AUTS2: variants seen among roughly 807,000 people sequenced by gnomAD.
AUTS2 encodes autism susceptibility gene 2 protein.
AUTS2 carries 17 observed loss-of-function variants against 112.4 expected under a neutral mutation model. That is an observed-to-expected ratio of 0.15 (90% confidence interval 0.10 to 0.23). AUTS2 has a LOEUF of 0.23. Ranked by LOEUF, AUTS2 falls within the 10% of genes least tolerant of loss-of-function variation. The pLI is 1.00. For synonymous variants in AUTS2, 751 were observed against 702.7 expected (o/e 1.07, Z -1.09); for missense variants, 1,510 against 1,701.6 (o/e 0.89, Z 1.98).
At chr7:69,729,810 A>G (rs1786699656) in intron 1 of AUTS2, among the ~76,000 whole-genome samples, 1 of 152,036 alleles carries the variant, frequency 6.6e-6, no homozygotes, top group South Asian at 2.1e-4. Context: ...AAGAATGATC[A>G]TTATTTACAT....
intron 2 of AUTS2, among the ~76,000 whole-genome samples, chr7:70,007,836 A>G (rs1367017247): frequency 6.6e-6 from 1 of 152,168 alleles, no homozygotes; most frequent in Non-Finnish European, 1.5e-5. Context: ...AAGATTTTCT[A>G]TTTATTCAGA....
At chr7:70,398,576 T>C (rs1585099395) in intron 4 of AUTS2, among the ~76,000 whole-genome samples, 1 of 152,286 alleles carries the variant, frequency 6.6e-6, no homozygotes, top group South Asian at 2.1e-4. Flanking sequence ...TGATGTTATA[T>C]TAAATTATGA....
intron 1 of AUTS2, among the ~76,000 whole-genome samples, chr7:69,665,830 T>A (rs1252389830): frequency 3.9e-5 from 6 of 152,160 alleles, no homozygotes; most frequent in African/African-American, 1.4e-4. Flanking sequence ...TTGAGATAAA[T>A]GCTTTATTGG....
At chr7:70,564,943 C>T (rs1343238042) in intron 5 of AUTS2, among the ~76,000 whole-genome samples, 1 of 151,940 alleles carries the variant, frequency 6.6e-6, no homozygotes, top group Admixed American at 6.6e-5. Flanking sequence ...ACTAAAAATA[C>T]AAAAATTAGC....
intron 2 of AUTS2, among the ~76,000 whole-genome samples, chr7:69,974,091 T>A (rs899218765): frequency 6.6e-6 from 1 of 151,990 alleles, no homozygotes; most frequent in Non-Finnish European, 1.5e-5. Context: ...TTTAAGAAAT[T>A]AAATTTTCTT....
At chr7:70,571,838 A>G (rs1585316813) in intron 5 of AUTS2, among the ~76,000 whole-genome samples, 2 of 151,734 alleles carry the variant, frequency 1.3e-5, no homozygotes, top group Non-Finnish European at 2.9e-5. Flanking sequence ...GCAGGAGGAC[A>G]CCCTCCCTCC....
chr7:69,792,242 T>C (rs953060217), intron 1 of AUTS2, among the ~76,000 whole-genome samples: 2 of 137,292 alleles, frequency 1.5e-5, no homozygotes, highest in African/African-American at 5.3e-5. Context: ...GTTTTTTTTT[T>C]GTTTTGTTTT....
intron 1 of AUTS2, among the ~76,000 whole-genome samples, chr7:69,891,405 A>C (rs1247188170): frequency 6.6e-6 from 1 of 152,184 alleles, no homozygotes; most frequent in East Asian, 1.9e-4. Flanking sequence ...GGTTGTTTGC[A>C]GTTTTAGAAG....
At chr7:70,634,234 G>A (rs181909603) in intron 5 of AUTS2, among the ~76,000 whole-genome samples, 2 of 152,282 alleles carry the variant, frequency 1.3e-5, no homozygotes, top group African/African-American at 4.8e-5. Flanking sequence ...GAAATAGGAG[G>A]ACAGGAGGCA....
At chr7:70,255,240 AT>A (rs1468310343) in intron 4 of AUTS2, among the ~76,000 whole-genome samples, 1 of 151,380 alleles carries the variant, frequency 6.6e-6, no homozygotes, top group Non-Finnish European at 1.5e-5. Context: ...CGCCTGGCTA[AT>A]TTTTGTATTT....
intron 1 of AUTS2, among the ~76,000 whole-genome samples, chr7:69,734,256 C>T (rs1321450824): frequency 2.6e-5 from 4 of 151,692 alleles, no homozygotes; most frequent in Non-Finnish European, 5.9e-5. Context: ...CAGCTTAAAA[C>T]GAAGAGCTCT....
At position 69,611,936 on chromosome 7, in the gene AUTS2, C is replaced by CA. The variant is rs896215968; in HGVS notation, c.309+11995dup. ...TGGGCGACAGAGCGAGACTCCGTCTCAAAAAAAAAAAAAAAAAAAAATTGT... is the reference window on the plus strand; with the variant it reads ...TGGGCGACAGAGCGAGACTCCGTCTCAAAAAAAAAAAAAAAAAAAAAATTGT... On this transcript the variant is annotated intron_variant, in intron 1 of 18. Coordinates refer to ENST00000342771, the MANE Select transcript of AUTS2 (RefSeq NM_015570.4). 9.2e-4 allele frequency among the ~76,000 whole-genome samples: 79 copies of CA among 85,728 alleles called. 2 individuals are homozygous for CA. The highest frequency in any genetic ancestry group is 1.8e-3 in the African/African-American group (37 of 20,372). 56.2% of individuals were successfully genotyped at this position (85,728 alleles called of 152,430 possible).
At chr7:69,894,886 T>C (rs1794680653) in intron 1 of AUTS2, among the ~76,000 whole-genome samples, 1 of 152,220 alleles carries the variant, frequency 6.6e-6, no homozygotes, top group African/African-American at 2.4e-5. Flanking sequence ...ATTCTTCAGG[T>C]AATTCTGATG....
chr7:69,981,052 A>G (rs1798276642), intron 2 of AUTS2, among the ~76,000 whole-genome samples: 1 of 152,154 alleles, frequency 6.6e-6, no homozygotes, highest in African/African-American at 2.4e-5. Context: ...TAATTCAACA[A>G]TTGTTTTTTG....
chr7:70,222,105 A>G (rs1024039260), intron 4 of AUTS2, among the ~76,000 whole-genome samples: 4 of 152,236 alleles, frequency 2.6e-5, no homozygotes, highest in Admixed American at 1.3e-4. Flanking sequence ...CCTATGGATT[A>G]AATTTTTCAC....
intron 5 of AUTS2, among the ~76,000 whole-genome samples, chr7:70,496,350 T>C (rs11972776): frequency 0.073 from 1,291 of 17,774 alleles, no homozygotes; most frequent in African/African-American, 0.19. Flanking sequence ...CACATGCACA[T>C]GTCACATCAG....
chr7:70,288,768 T>A (rs1177942271), intron 4 of AUTS2, among the ~76,000 whole-genome samples: 1 of 151,990 alleles, frequency 6.6e-6, no homozygotes. Flanking sequence ...GGTAGAAAAA[T>A]TCTAAAACTG....
chr7:69,744,422 C>T (rs997383685), intron 1 of AUTS2, among the ~76,000 whole-genome samples: 53 of 152,198 alleles, frequency 3.5e-4, no homozygotes, highest in African/African-American at 1.3e-3. Context: ...GTCTCACAGC[C>T]AGAAAGGTGT....
At chr7:70,635,834 G>C (rs567423054) in intron 5 of AUTS2, among the ~76,000 whole-genome samples, 3 of 152,326 alleles carry the variant, frequency 2.0e-5, no homozygotes, top group African/African-American at 7.2e-5. Context: ...GAGAGACTTT[G>C]ACACACAATT....
Sources: gnomAD v4.1 joint callset for allele counts (sites outside exome capture counted in the v4.1 genomes callset) on GRCh38, gnomAD v4.1.1 for gene constraint, MANE v1.5 for transcripts, NCBI Gene and HGNC (gene_info 2026-07-23, HGNC 2026-07-21) for gene names.